Variants in SDHC observed in about 807,000 individuals in gnomAD.
SDHC encodes the protein succinate dehydrogenase complex subunit C.
Under a neutral mutation model 22.6 loss-of-function variants are expected in SDHC, and 11 were observed. That is an observed-to-expected ratio of 0.49 (90% CI 0.31 to 0.81). The LOEUF (loss-of-function observed/expected upper bound fraction) is 0.81, where lower values mean the gene tolerates loss of function less well. SDHC is among the 30% of genes least tolerant of loss of function. The pLI is 0.05. For synonymous variants in SDHC, 80 were observed against 77.8 expected, an observed-to-expected ratio of 1.03 and a Z score of -0.15; for missense variants, 160 against 212.0, an observed-to-expected ratio of 0.75 and a Z score of 1.52.
intron 3 of SDHC, among the ~76,000 whole-genome samples, chr1:161,334,885 C>T (rs1671412849): frequency 6.6e-6 from 1 of 152,188 alleles, no homozygotes. Context: ...TAATACTTGG[C>T]TGTGCATTTC....
At chr1:161,349,115 G>A (rs1472657003) in intron 4 of SDHC, among the ~76,000 whole-genome samples, 1 of 152,100 alleles carries the variant, frequency 6.6e-6, no homozygotes, top group Non-Finnish European at 1.5e-5. Flanking sequence ...TATATGAATT[G>A]TACAATTAGC....
In SDHC at chr1:161,317,161, G is replaced by T. The variant is rs192243086; in HGVS notation, c.20+2736G>T. Among the ~76,000 whole-genome samples the T allele has an allele frequency of 6.6e-5, 10 of 151,948 alleles. No homozygotes were observed. The East Asian group carries it at 1.2e-3, about 18-fold the overall frequency. On this transcript the variant is annotated intron_variant, in intron 1 of 5. Coordinates refer to ENST00000367975, the MANE Select transcript of SDHC (RefSeq NM_003001.5). ...AGCCTTCTGAGTAGATGGGATTACA[G>T]CAGGGGTCTGCCACCACGCCACCAC...
chr1:161,336,476 A>G (rs1212645620), intron 3 of SDHC, among the ~76,000 whole-genome samples: 3 of 151,522 alleles, frequency 2.0e-5, no homozygotes, highest in Non-Finnish European at 2.9e-5. Context: ...AGTTTTGGGG[A>G]AGAATTATAA....
intron 3 of SDHC, among the ~76,000 whole-genome samples, chr1:161,337,012 G>A (rs1384836710): frequency 6.6e-6 from 1 of 151,208 alleles, no homozygotes; most frequent in Non-Finnish European, 1.5e-5. Flanking sequence ...TGAGACTATA[G>A]ACACACGCCA....
intron 5 of SDHC, among the ~76,000 whole-genome samples, chr1:161,360,365 G>A (rs923949796): frequency 2.6e-5 from 4 of 151,784 alleles, no homozygotes; most frequent in Admixed American, 6.6e-5. Context: ...AACTAGCCTG[G>A]GCAACGTGGC....
chr1:161,362,278 T>G, intron 5 of SDHC, 51 bp from the exon 6 acceptor site: 1 of 1,582,074 alleles, frequency 6.3e-7, no homozygotes, highest in Non-Finnish European at 8.6e-7. Context: ...CAGGAACTGT[T>G]AATGTCCTAT....
chr1:161,330,269 A>G (rs571270748), intron 3 of SDHC, among the ~76,000 whole-genome samples: 3 of 152,228 alleles, frequency 2.0e-5, no homozygotes, highest in Non-Finnish European at 4.4e-5. Context: ...GATATGGGTG[A>G]GGCTCTGGGT....
At chr1:161,336,725 A>G (rs1671500875) in intron 3 of SDHC, among the ~76,000 whole-genome samples, 1 of 152,038 alleles carries the variant, frequency 6.6e-6, no homozygotes, top group Admixed American at 6.6e-5. Context: ...CTGAAGTCAT[A>G]TTTTCTATTA....
At chr1:161,317,217 A>C (rs955017971) in intron 1 of SDHC, among the ~76,000 whole-genome samples, 1 of 151,586 alleles carries the variant, frequency 6.6e-6, no homozygotes, top group African/African-American at 2.4e-5. Context: ...TTTAGTAGAG[A>C]CGGGGTTTCA....
intron 3 of SDHC, among the ~76,000 whole-genome samples, chr1:161,331,720 C>G (rs940251633): frequency 6.6e-5 from 10 of 151,906 alleles, no homozygotes; most frequent in Admixed American, 3.9e-4. Context: ...CTCAGCCTCC[C>G]AAGTAGCTGG....
At chr1:161,326,827 T>A (rs1006547708) in intron 2 of SDHC, 3 of 151,888 alleles carry the variant, frequency 2.0e-5, no homozygotes, top group Admixed American at 2.0e-4. Flanking sequence ...AGTTTTACAA[T>A]GTTGGTCAGG....
chr1:161,333,164 C>T lies in SDHC; in HGVS notation c.179+4667C>T, dbSNP rs183721793. 8.5e-5 allele frequency among the ~76,000 whole-genome samples: 13 copies of T among 152,294 alleles called. No individual in the cohort carries two copies. The East Asian group carries it at 2.1e-3, about 25-fold the overall frequency. ...CGTTCATCCATGTTTTAGCATATAT[C>T]AGTGCTTCCTTCCTTTTTATGGCCG... On this transcript the variant is annotated intron_variant, in intron 3 of 5. Coordinates refer to ENST00000367975, the MANE Select transcript of SDHC (RefSeq NM_003001.5).
chr1:161,348,694 A>G (rs940426793), intron 4 of SDHC, among the ~76,000 whole-genome samples: 2 of 878 alleles, frequency 2.3e-3, no homozygotes, highest in African/African-American at 0.011. Context: ...AAAATTAGCC[A>G]GTTGTGGGTG....
At chr1:161,339,309 A>G (rs1166387212) in intron 3 of SDHC, among the ~76,000 whole-genome samples, 1 of 151,150 alleles carries the variant, frequency 6.6e-6, no homozygotes, top group Admixed American at 6.6e-5. Flanking sequence ...CAGTCTCCCA[A>G]GTAGCTGGGA....
chr1:161,360,308 A>G (rs566704544), intron 5 of SDHC, among the ~76,000 whole-genome samples: 1 of 152,132 alleles, frequency 6.6e-6, no homozygotes, highest in Non-Finnish European at 1.5e-5. Flanking sequence ...TAACCCTAGC[A>G]CTTTGGGAGG....
intron 3 of SDHC, among the ~76,000 whole-genome samples, chr1:161,333,309 T>C (rs1671348857): frequency 6.6e-6 from 1 of 152,242 alleles, no homozygotes. Flanking sequence ...CATTTATTTG[T>C]GTACAAGTTT....
At chr1:161,362,305 T>G (rs1387491347) in intron 5 of SDHC, 24 bp from the exon 6 acceptor site, 1 of 1,577,910 alleles carries the variant, frequency 6.3e-7, no homozygotes, top group East Asian at 2.3e-5. Flanking sequence ...AAATTCCTTT[T>G]TTTTTTTTTT....
chr1:161,328,118 C>T (rs990409485), intron 2 of SDHC, among the ~76,000 whole-genome samples: 1 of 151,886 alleles, frequency 6.6e-6, no homozygotes, highest in Admixed American at 6.6e-5. Context: ...ATTCTACTGC[C>T]TCAGTCTCCC....
intron 1 of SDHC, among the ~76,000 whole-genome samples, chr1:161,321,113 T>C (rs4256831): frequency 0.44 from 66,979 of 151,982 alleles, 15,818 homozygotes; most frequent in African/African-American, 0.62. Context: ...GCGTGAGCCA[T>C]CGCGCCCGGC....
Sources: allele counts gnomAD v4.1 joint callset (sites outside exome capture counted in the v4.1 genomes callset), GRCh38; gene constraint gnomAD v4.1.1; transcripts MANE v1.5; gene names NCBI Gene and HGNC (gene_info 2026-07-23, HGNC 2026-07-21).